Variants in RAB1A observed in about 807,000 individuals in gnomAD.
The protein encoded by RAB1A is RAB1A, member RAS oncogene family, also known as ras-related protein Rab-1A.
Under a neutral mutation model 26.0 loss-of-function variants are expected in RAB1A, and 2 were observed. That is an observed-to-expected ratio of 0.08 (90% confidence interval 0.03 to 0.24). The LOEUF is 0.24. Among genes scored for constraint, RAB1A ranks in the 10% least tolerant of loss-of-function variants. The pLI, the probability that RAB1A is intolerant of heterozygous loss-of-function variation, is 1.00. For missense variants in RAB1A, 100 were observed against 247.0 expected (o/e 0.40, Z 3.99); for synonymous variants, 84 against 84.9 (o/e 0.99, Z 0.06).
In RAB1A at chr2:65,098,075, G is replaced by T; in HGVS notation, c.97-9C>A. The T allele has an allele frequency of 6.9e-7, 1 of 1,453,470 alleles. No homozygotes were observed. The highest frequency in any genetic ancestry group is 9.3e-7 in the Non-Finnish European group (1 of 1,073,524). 90.0% of individuals were successfully genotyped at this position (1,453,470 alleles called of 1,614,324 possible). On this transcript the variant is annotated splice_polypyrimidine_tract_variant and intron_variant, in intron 2 of 5. Transcript: ENST00000409784. ...TCTGTATATGTATCATCCTGAAGGG[G>T]GAAATAATTAACAATTAAATGTATT...
At chr2:65,118,194 T>G (rs1473331817) in intron 1 of RAB1A, among the ~76,000 whole-genome samples, 2 of 152,206 alleles carry the variant, frequency 1.3e-5, no homozygotes, top group Non-Finnish European at 2.9e-5. Context: ...TCCTCTCCAG[T>G]TGAATCAACA....
chr2:65,104,197 G>A (rs184613460), intron 2 of RAB1A, among the ~76,000 whole-genome samples: 13 of 152,236 alleles, frequency 8.5e-5, no homozygotes, highest in Admixed American at 5.2e-4. Context: ...ATTGGCCAAC[G>A]AAGTTTGTCC....
intron 1 of RAB1A, among the ~76,000 whole-genome samples, chr2:65,109,801 T>C (rs1669652222): frequency 6.6e-6 from 1 of 152,196 alleles, no homozygotes. Context: ...CTATCCACTG[T>C]TTCCAGTTCA....
Sources: gnomAD v4.1 joint callset for allele counts (sites outside exome capture counted in the v4.1 genomes callset) on GRCh38, gnomAD v4.1.1 for gene constraint, MANE v1.5 for transcripts, NCBI Gene and HGNC (gene_info 2026-07-23, HGNC 2026-07-21) for gene names.